The following ARHGEF10 variants were observed in gnomAD, a reference collection of about 807,000 sequenced individuals.
The protein encoded by ARHGEF10 is Rho guanine nucleotide exchange factor 10.
A neutral mutation model predicts 147.4 loss-of-function variants in ARHGEF10; 140 were observed. The ratio of observed to expected loss-of-function variants is 0.95; its 90% CI spans 0.83 to 1.09. The LOEUF (loss-of-function observed/expected upper bound fraction) is 1.09, where lower values mean the gene tolerates loss of function less well. Ranked by LOEUF, ARHGEF10 falls within the 50% of genes least tolerant of loss-of-function variation. The pLI is 0.00. For synonymous variants in ARHGEF10, 902 were observed against 695.8 expected (o/e 1.30, Z -4.67); for missense variants, 2,222 against 1,752.7 (o/e 1.27, Z -4.78).
At position 1,937,078 on chromosome 8, in the gene ARHGEF10, C is replaced by T. The variant is rs771671443; in HGVS notation, c.3222+3136C>T. Among the ~76,000 whole-genome samples, 5 of 152,212 alleles carry T rather than the reference C, an allele frequency of 3.3e-5. No homozygotes were observed. The highest frequency in any genetic ancestry group is 2.1e-4 in the South Asian group (1 of 4,828). Reference sequence around the variant, plus strand: ...TCTTTTTTTGACACAGCCTCCCCGACGTCCTTCGAGACCTGGTCTGCTAGA... The same window carrying T: ...TCTTTTTTTGACACAGCCTCCCCGATGTCCTTCGAGACCTGGTCTGCTAGA... On this transcript the variant is annotated intron_variant, in intron 26 of 28. Transcript: ENST00000349830. This position sits in a 1 kb window ranked among gnomAD's most constrained non-coding sequence, Gnocchi z 4.9.
rs1808943480 is a variant in ARHGEF10, at chr8:1,888,252, G to GAGGAGACAGTGAGTGTGGTGAGGGTTGTA, written c.1182+2551_1182+2552insCAGTGAGTGTGGTGAGGGTTGTAAGGAGA. On this transcript the variant is annotated intron_variant, in intron 11 of 28. Transcript: ENST00000349830. ...AGACAGTGAGTGTGGTGAGGGTTGC[G>GAGGAGACAGTGAGTGTGGTGAGGGTTGTA]AGGAGATGCTGAGTGGGGCTGTAGG... Among the ~76,000 whole-genome samples the GAGGAGACAGTGAGTGTGGTGAGGGTTGTA allele has an allele frequency of 4.0e-5, 3 of 75,466 alleles. 1 individual carries two copies. The highest frequency in any genetic ancestry group is 1.6e-4 in the African/African-American group (3 of 18,490). 49.5% of individuals were successfully genotyped at this position (75,466 alleles called of 152,430 possible).
chr8:1,954,944 T>A (rs116986213), intron 28 of ARHGEF10, among the ~76,000 whole-genome samples: 3,133 of 145,876 alleles, frequency 0.021, 40 homozygotes, highest in Non-Finnish European at 0.032. Flanking sequence ...TGCCTCTGGA[T>A]GGATAGCCAG....
At position 1,934,662 on chromosome 8, in the gene ARHGEF10, A is replaced by G. The variant is rs1813427924; in HGVS notation, c.3222+720A>G. 2.0e-5 allele frequency among the ~76,000 whole-genome samples: 3 copies of G among 152,306 alleles called. No homozygotes were observed. In the South Asian group the frequency reaches 6.2e-4, roughly 32 times the overall value. On this transcript the variant is annotated intron_variant, in intron 26 of 28. Transcript: ENST00000349830. ...TTTGGAAAACACGGAGCTGGCTCTCAAACCCCAGCCCTCTCCTCCTCTAAA... is the reference window on the plus strand; with the variant it reads ...TTTGGAAAACACGGAGCTGGCTCTCGAACCCCAGCCCTCTCCTCCTCTAAA...
At chr8:1,842,835 C>T (rs1804199139) in intron 1 of ARHGEF10, among the ~76,000 whole-genome samples, 1 of 152,200 alleles carries the variant, frequency 6.6e-6, no homozygotes, top group Non-Finnish European at 1.5e-5. Flanking sequence ...GCAGGCAGGC[C>T]GGGACCCAGC....
intron 17 of ARHGEF10, 109 bp from the exon 18 acceptor site, chr8:1,909,186 G>A: frequency 1.4e-6 from 2 of 1,454,016 alleles, no homozygotes; most frequent in Non-Finnish European, 1.9e-6. Context: ...AGTCTGAAGA[G>A]TTACAATTCA....
At position 1,912,521 on chromosome 8, in the gene ARHGEF10, G is replaced by A. The variant is rs546207455; in HGVS notation, c.2143+3051G>A. Among the ~76,000 whole-genome samples, 112 of 151,756 alleles carry A rather than the reference G, an allele frequency of 7.4e-4. 1 individual carries two copies. The South Asian group carries it at 0.017, about 23-fold the overall frequency. ...AGCTCCCCATCCCTGCAAAAGCACC[G>A]TGTGGATTGTGGGTTTGCTGTCCGA... On this transcript the variant is annotated intron_variant, in intron 18 of 28. Transcript: ENST00000349830.
chr8:1,873,547 CTAG>C (rs1169305962), intron 7 of ARHGEF10, among the ~76,000 whole-genome samples: 1 of 83,624 alleles, frequency 1.2e-5, no homozygotes, highest in African/African-American at 6.5e-5. Context: ...CCCGCATTTC[CTAG>C]TTGCCTTGAG....
intron 7 of ARHGEF10, 171 bp from the exon 8 acceptor site, chr8:1,876,400 G>A (rs549407569): frequency 1.6e-5 from 11 of 693,218 alleles, no homozygotes; most frequent in South Asian, 1.0e-4. Context: ...TGGTGGAGGC[G>A]CTGCACGGTG....
intron 2 of ARHGEF10, among the ~76,000 whole-genome samples, chr8:1,857,505 C>T (rs897213077): frequency 8.6e-5 from 13 of 151,694 alleles, no homozygotes; most frequent in Non-Finnish European, 1.3e-4. Context: ...CTGCAACCTC[C>T]GCCTCTCGGG....
intron 1 of ARHGEF10, among the ~76,000 whole-genome samples, chr8:1,829,256 G>C (rs1387153979): frequency 6.6e-6 from 1 of 152,252 alleles, no homozygotes; most frequent in Admixed American, 6.5e-5. Context: ...CGTATGTTTT[G>C]TGTGAGAAGC....
In ARHGEF10 at chr8:1,860,209, C is replaced by T. The variant is rs188430170; in HGVS notation, c.481+25C>T. The T allele has an allele frequency of 2.9e-5, 46 of 1,606,476 alleles. No individual in the cohort carries two copies. The Admixed American group carries it at 7.7e-4, about 27-fold the overall frequency. On this transcript the variant is annotated intron_variant, in intron 4 of 28. Transcript: ENST00000349830. ...GGTACTGCTACCCTCCTCTCCACGC[C>T]CCCGAAGTGGCCTGTGGTTCCCTCC...
At chr8:1,918,941 C>G (rs1475433580) in intron 18 of ARHGEF10, among the ~76,000 whole-genome samples, 2 of 147,616 alleles carry the variant, frequency 1.4e-5, no homozygotes, top group African/African-American at 5.1e-5. Context: ...GTTGTTCTGT[C>G]AGTGATGGAG....
intron 26 of ARHGEF10, among the ~76,000 whole-genome samples, chr8:1,945,132 G>T (rs1157752765): frequency 6.6e-6 from 1 of 152,236 alleles, no homozygotes; most frequent in East Asian, 1.9e-4. Context: ...CATCGAGGAA[G>T]GTTCCAGCAG....
intron 2 of ARHGEF10, 127 bp from the exon 3 acceptor site, chr8:1,857,833 A>G: frequency 2.3e-6 from 2 of 875,302 alleles, no homozygotes; most frequent in South Asian, 1.5e-5. Context: ...AGCGCAGTAC[A>G]GCACAGAGGA....
At chr8:1,940,993 A>G (rs1316952805) in intron 26 of ARHGEF10, among the ~76,000 whole-genome samples, 1 of 152,254 alleles carries the variant, frequency 6.6e-6, no homozygotes, top group Non-Finnish European at 1.5e-5. Context: ...AAGGACATCT[A>G]TAAAACACTC....
intron 8 of ARHGEF10, among the ~76,000 whole-genome samples, chr8:1,879,284 C>T: frequency 6.6e-6 from 1 of 152,090 alleles, no homozygotes; most frequent in Non-Finnish European, 1.5e-5. Context: ...AGGTTGGAGA[C>T]CCTTGAAAAT....
intron 8 of ARHGEF10, among the ~76,000 whole-genome samples, chr8:1,879,574 A>G (rs140558923): frequency 1.4e-5 from 2 of 146,894 alleles, no homozygotes; most frequent in East Asian, 2.0e-4. Flanking sequence ...TTTTTTGGAG[A>G]CAGGGTCTTA....
chr8:1,858,080 G>A lies in ARHGEF10; in HGVS notation c.158G>A (p.Gly53Glu). 1.9e-6 allele frequency: 3 copies of A among 1,614,120 alleles called. No homozygotes were observed. Among genetic ancestry groups the A allele is most frequent in the Non-Finnish European group, 2.5e-6 (3 of 1,180,032 alleles). The change falls in exon 3 of 29, where the codon GGA (glycine) becomes GAA (glutamate). Residue 53 changes from glycine (G) to glutamate (E), a missense_variant. Coordinates refer to ENST00000349830, the MANE Select transcript of ARHGEF10 (RefSeq NM_014629.4). Reference protein sequence around the residue: ...DRQAPSAPETGGAGASEAPAP... With the variant: ...DRQAPSAPETEGAGASEAPAP... ...CAGGCCCCATCCGCCCCTGAGACAG[G>A]AGGTGCTGGAGCCAGTGAAGCCCCT...
At chr8:1,830,693 C>G (rs1803044184) in intron 1 of ARHGEF10, among the ~76,000 whole-genome samples, 1 of 152,106 alleles carries the variant, frequency 6.6e-6, no homozygotes. Flanking sequence ...CCCTTGTCTT[C>G]AGGAAAGATG....
Sources: allele counts gnomAD v4.1 joint callset (sites outside exome capture counted in the v4.1 genomes callset), GRCh38; gene constraint gnomAD v4.1.1; non-coding constraint Gnocchi (gnomAD v3.1); transcripts MANE v1.5; gene names NCBI Gene and HGNC (gene_info 2026-07-23, HGNC 2026-07-21).